PPFIA2: variants seen among roughly 807,000 people sequenced by gnomAD.
PPFIA2 encodes the protein liprin-alpha-2.
PPFIA2 carries 46 observed loss-of-function variants against 175.5 expected under a neutral mutation model. The observed-to-expected ratio is 0.26, with a 90% CI of 0.21 to 0.34. PPFIA2 has a LOEUF of 0.34. Among genes scored for constraint, PPFIA2 ranks in the 10% least tolerant of loss-of-function variants. The pLI, the probability that PPFIA2 is intolerant of heterozygous loss-of-function variation, is 1.00. For missense variants in PPFIA2, 1,179 were observed against 1,506.1 expected (o/e 0.78, Z 3.60); for synonymous variants, 568 against 511.4 (o/e 1.11, Z -1.49).
chr12:81,467,011 C>T (rs913486356), intron 4 of PPFIA2, among the ~76,000 whole-genome samples: 1 of 150,552 alleles, frequency 6.6e-6, no homozygotes, highest in African/African-American at 2.4e-5. Context: ...TCGAGATTCA[C>T]CTACCCAAGG....
chr12:81,666,439 T>G (rs1046235159), intron 4 of PPFIA2, among the ~76,000 whole-genome samples: 25 of 152,176 alleles, frequency 1.6e-4, no homozygotes, highest in Non-Finnish European at 1.8e-4. Context: ...CCATAAAAAA[T>G]GATGAGTTCA....
At chr12:81,564,773 G>T (rs1249795847) in intron 4 of PPFIA2, among the ~76,000 whole-genome samples, 4 of 152,116 alleles carry the variant, frequency 2.6e-5, no homozygotes, top group Admixed American at 2.6e-4. Flanking sequence ...AGTGATGAAA[G>T]AAAATGATGT....
At chr12:81,638,960 T>C (rs1424035278) in intron 4 of PPFIA2, among the ~76,000 whole-genome samples, 1 of 152,126 alleles carries the variant, frequency 6.6e-6, no homozygotes, top group Non-Finnish European at 1.5e-5. Context: ...GTGCTGGGAT[T>C]ACAGGCGTGA....
chr12:81,398,201 C>T (rs1372141636), intron 8 of PPFIA2, among the ~76,000 whole-genome samples: 1 of 151,790 alleles, frequency 6.6e-6, no homozygotes, highest in Admixed American at 6.6e-5. Context: ...TTGGAGTAGA[C>T]AAAGAAAAGA....
At chr12:81,301,404 C>T (rs1842119078) in intron 22 of PPFIA2, among the ~76,000 whole-genome samples, 1 of 152,100 alleles carries the variant, frequency 6.6e-6, no homozygotes, top group Non-Finnish European at 1.5e-5. Flanking sequence ...GCACTAATAA[C>T]CTAAGGAGCA....
At chr12:81,716,149 A>G (rs546007403) in intron 3 of PPFIA2, among the ~76,000 whole-genome samples, 1 of 151,812 alleles carries the variant, frequency 6.6e-6, no homozygotes, top group South Asian at 2.1e-4. Context: ...ATCTACATAT[A>G]ATGTAGAATA....
intron 4 of PPFIA2, among the ~76,000 whole-genome samples, chr12:81,578,316 T>C (rs187364218): frequency 6.6e-6 from 1 of 151,654 alleles, no homozygotes; most frequent in East Asian, 1.9e-4. Context: ...GAAGTGAGGG[T>C]GTTTGGGGGT....
intron 4 of PPFIA2, among the ~76,000 whole-genome samples, chr12:81,655,736 A>AT (rs1456424652): frequency 6.6e-6 from 1 of 152,060 alleles, no homozygotes; most frequent in Non-Finnish European, 1.5e-5. Context: ...CATTTGGTCA[A>AT]TTTGGGGAAA....
chr12:81,267,396 C>G (rs1264878364), intron 29 of PPFIA2: 1 of 330,178 alleles, frequency 3.0e-6, no homozygotes, highest in African/African-American at 2.2e-5. Flanking sequence ...CAAACCTGGC[C>G]AATGATTATC....
chr12:81,553,689 GCCCATCAAAGACTTTGCATGATGCTAGT>G (rs1222468621), intron 4 of PPFIA2, among the ~76,000 whole-genome samples: 27 of 152,042 alleles, frequency 1.8e-4, no homozygotes, highest in Non-Finnish European at 3.4e-4. Flanking sequence ...CTTGACACCA[GCCCATCAAAGACTTTGCATGATGCTAGT>G]CCCATCTGCT....
chr12:81,674,704 A>T (rs1183233528), intron 4 of PPFIA2, among the ~76,000 whole-genome samples: 1 of 152,070 alleles, frequency 6.6e-6, no homozygotes. Context: ...GGAGAAAATT[A>T]TTTTAAAAAC....
chr12:81,713,252 C>T (rs185619434), intron 3 of PPFIA2, among the ~76,000 whole-genome samples: 22 of 151,056 alleles, frequency 1.5e-4, no homozygotes, highest in Non-Finnish European at 2.7e-4. Context: ...GAGGCTGGTA[C>T]TATTTGTATT....
At chr12:81,641,891 T>C (rs1396054745) in intron 4 of PPFIA2, among the ~76,000 whole-genome samples, 1 of 152,214 alleles carries the variant, frequency 6.6e-6, no homozygotes, top group Non-Finnish European at 1.5e-5. Flanking sequence ...AGGAAAACTC[T>C]GCTCTAGTCA....
intron 21 of PPFIA2, among the ~76,000 whole-genome samples, chr12:81,332,607 T>C (rs2141703): frequency 0.36 from 54,122 of 152,024 alleles, 10,486 homozygotes; most frequent in East Asian, 0.54. Flanking sequence ...TGAGTTATTA[T>C]TTATTCATTT....
intron 4 of PPFIA2, among the ~76,000 whole-genome samples, chr12:81,650,265 T>A (rs1259136108): frequency 1.3e-5 from 2 of 152,080 alleles, no homozygotes; most frequent in Non-Finnish European, 2.9e-5. Context: ...CACCTCGGCC[T>A]CCCAAAGTGC....
chr12:81,457,303 T>TA (rs1566913283), intron 5 of PPFIA2, among the ~76,000 whole-genome samples: 1 of 151,712 alleles, frequency 6.6e-6, no homozygotes, highest in South Asian at 2.1e-4. Context: ...TTTTCCTTTT[T>TA]AAAAAAATCT....
At chr12:81,590,028 C>A (rs1354388034) in intron 4 of PPFIA2, among the ~76,000 whole-genome samples, 1 of 152,012 alleles carries the variant, frequency 6.6e-6, no homozygotes, top group Admixed American at 6.6e-5. Flanking sequence ...AGGTTATGTT[C>A]CAGTTATTTT....
intron 7 of PPFIA2, among the ~76,000 whole-genome samples, chr12:81,415,337 T>C (rs1305732143): frequency 1.4e-5 from 2 of 142,678 alleles, no homozygotes; most frequent in African/African-American, 2.5e-5. Context: ...ATATTCTACA[T>C]TTATTTATTT....
chr12:81,550,717 A>T (rs1398249136), intron 4 of PPFIA2, among the ~76,000 whole-genome samples: 6 of 152,002 alleles, frequency 3.9e-5, no homozygotes, highest in Non-Finnish European at 8.8e-5. Flanking sequence ...AACTAATCAA[A>T]ATAAACTCAA....
Sources: gnomAD v4.1 joint callset for allele counts (sites outside exome capture counted in the v4.1 genomes callset) on GRCh38, gnomAD v4.1.1 for gene constraint, MANE v1.5 for transcripts, NCBI Gene and HGNC (gene_info 2026-07-23, HGNC 2026-07-21) for gene names.